Variants in PRPF6 observed in about 807,000 individuals in gnomAD.
PRPF6 encodes pre-mRNA processing factor 6, also known as pre-mRNA-processing factor 6.
Under a neutral mutation model 118.3 loss-of-function variants are expected in PRPF6, and 42 were observed. The ratio of observed to expected loss-of-function variants is 0.35; its 90% confidence interval spans 0.28 to 0.46. The LOEUF (loss-of-function observed/expected upper bound fraction) is 0.46. PRPF6 is among the 20% of genes least tolerant of loss of function. The pLI is 1.00. For synonymous variants in PRPF6, 481 were observed against 485.1 expected (o/e 0.99, Z 0.11); for missense variants, 662 against 1,255.7 (o/e 0.53, Z 7.15).
Position 63,981,319 on chromosome 20 carries a change from G to A in PRPF6, c.71+3G>A, listed in dbSNP as rs776943717. 1.3e-5 allele frequency: 21 copies of A among 1,585,568 alleles called. No homozygotes were observed. Among genetic ancestry groups the A allele is most frequent in the Non-Finnish European group, 1.8e-5 (21 of 1,165,836 alleles). On this transcript the variant is annotated splice_donor_region_variant and intron_variant, in intron 1 of 20. Transcript: ENST00000266079. ...TACGTGCCGGGGCTGGGCCGGGGGT[G>A]AGGCCTGGGGCGGCGCGCGAGGGGC...
intron 4 of PRPF6, among the ~76,000 whole-genome samples, chr20:63,993,885 G>A (rs544041717): frequency 6.6e-6 from 1 of 151,730 alleles, no homozygotes; most frequent in Admixed American, 6.6e-5. Context: ...AAGTAGCTGG[G>A]ATTACAGGTG....
rs2059153627 is a variant in PRPF6 at position 63,998,939 on chromosome 20, T to C, written c.772-106T>C. On this transcript the variant is annotated intron_variant, in intron 6 of 20. Transcript: ENST00000266079. ...AAATGAAGGCTGTTTTCCTTCTCCT[T>C]CTGACTGCTCTCTCAGGGTTGTGGG... 8.1e-6 allele frequency: 6 copies of C among 738,214 alleles called. No homozygotes were observed. The Admixed American group carries it at 1.2e-4, about 15-fold the overall frequency. The allele number at this position is 738,214 out of a possible 1,614,324, so 45.7% of individuals were successfully genotyped here. A position where few individuals can be genotyped will look rare whatever the true frequency, so the allele number is the denominator to read the frequency against.
At chr20:64,025,148 G>T (rs1353214129) in intron 14 of PRPF6, among the ~76,000 whole-genome samples, 2 of 152,186 alleles carry the variant, frequency 1.3e-5, no homozygotes, top group African/African-American at 4.8e-5. Context: ...ATAAAAGTCT[G>T]TTACTGTAGC....
chr20:63,995,686 G>C (rs1445808481), intron 6 of PRPF6, among the ~76,000 whole-genome samples: 5 of 142,282 alleles, frequency 3.5e-5, no homozygotes, highest in Non-Finnish European at 7.5e-5. Flanking sequence ...CCAGAGTCTT[G>C]CTGTGTCACT....
At position 64,021,504 on chromosome 20, in the gene PRPF6, T is replaced by C. The variant is rs543264339; in HGVS notation, c.1648-1253T>C. Among the ~76,000 whole-genome samples, 72 of 148,072 alleles carry C rather than the reference T, an allele frequency of 4.9e-4. No homozygotes were observed. The South Asian group carries it at 0.014, about 29-fold the overall frequency. On this transcript the variant is annotated intron_variant, in intron 12 of 20. Transcript: ENST00000266079. Reference sequence around the variant, plus strand: ...TATGCCTCAGCCACAGCCCTGTGTCTGTGTGTGTGCATGTATGCATATGCC... The same window carrying C: ...TATGCCTCAGCCACAGCCCTGTGTCCGTGTGTGTGCATGTATGCATATGCC...
Position 64,011,346 on chromosome 20 carries a change from C to T in PRPF6, c.1367C>T (p.Ala456Val). The part of the protein sequence containing the change: ...YENARKVLNK[A>V]RENIPTDRHI... ...AATGCCCGCAAGGTCTTGAACAAGG[C>T]GCGGGAGAACATTCCTACAGACCGA... The change falls in exon 11 of 21, where the codon GCG (alanine) becomes GTG (valine). Residue 456 changes from alanine (A) to valine (V), a missense_variant. This residue lies in a region of PRPF6 where 189 missense variants were observed against 323.5 expected (regional missense o/e 0.58). Coordinates refer to ENST00000266079, the MANE Select transcript of PRPF6 (RefSeq NM_012469.4). This position sits in a 1 kb window ranked among gnomAD's most constrained non-coding sequence, Gnocchi z 6.7. 6.2e-7 allele frequency: 1 copy of T among 1,614,168 alleles called. No individual in the cohort carries two copies. The highest frequency in any genetic ancestry group is 8.5e-7 in the Non-Finnish European group (1 of 1,180,050).
At chr20:63,981,438 T>C in intron 1 of PRPF6, 122 bp downstream of exon 1, 1 of 978,144 alleles carries the variant, frequency 1.0e-6, no homozygotes, top group East Asian at 2.6e-5. Flanking sequence ...TGGATCGGCT[T>C]AATCCCTGCA....
At position 63,981,334 on chromosome 20, in the gene PRPF6, G is replaced by A. The variant is rs762639775; in HGVS notation, c.71+18G>A. The A allele has an allele frequency of 1.9e-6, 3 of 1,566,308 alleles. No homozygotes were observed. Among genetic ancestry groups the A allele is most frequent in the Admixed American group, 3.8e-5 (2 of 53,230 alleles). On this transcript the variant is annotated intron_variant, in intron 1 of 20. Transcript: ENST00000266079. ...GGCCGGGGGTGAGGCCTGGGGCGGC[G>A]CGCGAGGGGCGGGGACCCGGCTACA... is the stretch of plus-strand genomic sequence containing the variant.
intron 6 of PRPF6, among the ~76,000 whole-genome samples, chr20:63,997,288 C>CT (rs928046111): frequency 0.25 from 28,014 of 112,696 alleles, 4,831 homozygotes; most frequent in African/African-American, 0.39. Context: ...TCAGCATGTT[C>CT]TTTTTTTTTT....
intron 9 of PRPF6, among the ~76,000 whole-genome samples, chr20:64,002,275 C>G (rs921920561): frequency 1.3e-5 from 2 of 151,404 alleles, no homozygotes; most frequent in Admixed American, 1.3e-4. Flanking sequence ...CCTGCCTCGG[C>G]CTCCCAAAGT....
Position 64,026,957 on chromosome 20 carries a change from G to A in PRPF6, c.2029-25G>A, listed in dbSNP as rs747313364. On this transcript the variant is annotated intron_variant, in intron 15 of 20. Transcript: ENST00000266079. The surrounding 1 kb of genome is among the most constrained non-coding windows in gnomAD (Gnocchi z 4.4). ...ACGTACCCTGGAGCTGATGCCCTGC[G>A]TGACAGTGCATGTCTGCCCCACAGG... 38 of 1,613,302 alleles carry A rather than the reference G, an allele frequency of 2.4e-5. No individual in the cohort carries two copies. The highest frequency in any genetic ancestry group is 6.7e-5 in the Admixed American group (4 of 59,994).
chr20:64,017,365 G>A (rs1247643534), intron 12 of PRPF6, among the ~76,000 whole-genome samples: 3 of 143,144 alleles, frequency 2.1e-5, no homozygotes, highest in Non-Finnish European at 3.0e-5. Context: ...GTGAGCCACC[G>A]CGCCCGGCCT....
In PRPF6 at chr20:64,026,989, T is replaced by C; in HGVS notation, c.2036T>C (p.Met679Thr). 1 of 1,613,866 alleles carries C rather than the reference T, an allele frequency of 6.2e-7. No individual in the cohort carries two copies. The highest frequency in any genetic ancestry group is 1.1e-5 in the South Asian group (1 of 91,080). ...TGCATGTCTGCCCCACAGGTGTTCATGAAGTCTGTGAAGCTGGAGTGGGTG... is the reference window on the plus strand; with the variant it reads ...TGCATGTCTGCCCCACAGGTGTTCACGAAGTCTGTGAAGCTGGAGTGGGTG... ...RSSAPTARVF[M>T]KSVKLEWVQD... is the part of the protein sequence containing the mutation. The change falls in exon 16 of 21, where the codon ATG becomes ACG. Residue 679 changes from methionine (M) to threonine (T), a missense_variant. This residue lies in a region of PRPF6 where 244 missense variants were observed against 383.7 expected (regional missense o/e 0.64). Coordinates refer to ENST00000266079, the MANE Select transcript of PRPF6 (RefSeq NM_012469.4). This position sits in a 1 kb window ranked among gnomAD's most constrained non-coding sequence, Gnocchi z 4.4.
chr20:63,998,936 CCTT>C (rs2059153614), intron 6 of PRPF6, 106 bp from the exon 7 acceptor site: 8 of 726,842 alleles, frequency 1.1e-5, no homozygotes, highest in Admixed American at 1.0e-4. Flanking sequence ...TTTTCCTTCT[CCTT>C]CTGACTGCTC....
chr20:64,022,927 T>C (rs2059273013), intron 13 of PRPF6, 49 bp downstream of exon 13: 1 of 1,612,952 alleles, frequency 6.2e-7, no homozygotes, highest in Admixed American at 1.7e-5. Context: ...AACCTCCAGC[T>C]CCATTTGTGT....
intron 12 of PRPF6, among the ~76,000 whole-genome samples, chr20:64,017,337 A>G (rs1258949994): frequency 1.5e-4 from 21 of 143,480 alleles, no homozygotes; most frequent in Middle Eastern, 4.1e-3. Context: ...GGCCTCCCAG[A>G]GTGCTGGGAT....
In PRPF6 at chr20:64,026,799, C is replaced by CA. The variant is rs11475258; in HGVS notation, c.2029-174dup. Among the ~76,000 whole-genome samples, 14 of 150,642 alleles carry CA rather than the reference C, an allele frequency of 9.3e-5. No homozygotes were observed. Among genetic ancestry groups the CA allele is most frequent in the East Asian group, 3.9e-4 (2 of 5,142 alleles). ...TGGGTGACAGAGCGAGACTCTATCTCAAAAAAAAACAAAACAAAACAAAAA... is the reference window on the plus strand; with the variant it reads ...TGGGTGACAGAGCGAGACTCTATCTCAAAAAAAAAACAAAACAAAACAAAAA... On this transcript the variant is annotated intron_variant, in intron 15 of 20. Coordinates refer to ENST00000266079, the MANE Select transcript of PRPF6 (RefSeq NM_012469.4). This position sits in a 1 kb window ranked among gnomAD's most constrained non-coding sequence, Gnocchi z 4.4.
intron 20 of PRPF6, 146 bp downstream of exon 20, chr20:64,032,190 A>C (rs888950749): frequency 7.8e-7 from 1 of 1,275,780 alleles, no homozygotes; most frequent in Non-Finnish European, 1.1e-6. Context: ...GGGGCACAGA[A>C]TCCTCGACAC....
At chr20:64,009,279 C>CAAAAAAAA (rs59045216) in intron 9 of PRPF6, among the ~76,000 whole-genome samples, 4 of 38,232 alleles carry the variant, frequency 1.0e-4, no homozygotes, top group Non-Finnish European at 1.5e-4. Context: ...GACTCCATCG[C>CAAAAAAAA]AAAAAAAAAA....
Sources: allele counts gnomAD v4.1 joint callset (sites outside exome capture counted in the v4.1 genomes callset), GRCh38; gene constraint gnomAD v4.1.1; regional missense constraint gnomAD v4.1.1; non-coding constraint Gnocchi (gnomAD v3.1); transcripts MANE v1.5; gene names NCBI Gene and HGNC (gene_info 2026-07-23, HGNC 2026-07-21).